ABTB3: variants seen among roughly 807,000 people sequenced by gnomAD.
The protein encoded by ABTB3 is ankyrin repeat and BTB domain containing 3.
chr12:107,507,276 A>T, the ABTB3 span, among the ~76,000 whole-genome samples: 4 of 152,118 alleles, frequency 2.6e-5, no homozygotes, highest in Non-Finnish European at 5.9e-5. Context: ...GTGGGTGTTG[A>T]GAGTCCAGGG....
At chr12:107,630,053 G>A in the ABTB3 span, among the ~76,000 whole-genome samples, 1 of 152,174 alleles carries the variant, frequency 6.6e-6, no homozygotes, top group African/African-American at 2.4e-5. Flanking sequence ...TGGAGGAGGA[G>A]CACTGGGAAG....
chr12:107,582,587 T>C, the ABTB3 span, among the ~76,000 whole-genome samples: 1 of 152,308 alleles, frequency 6.6e-6, no homozygotes, highest in African/African-American at 2.4e-5. Context: ...GCACCTACCA[T>C]GTGACGGTTA....
At chr12:107,373,762 G>A in the ABTB3 span, among the ~76,000 whole-genome samples, 1 of 152,248 alleles carries the variant, frequency 6.6e-6, no homozygotes, top group African/African-American at 2.4e-5. Flanking sequence ...TGTCTGGGCT[G>A]TGGGACCCGG....
chr12:107,580,968 G>T, the ABTB3 span: 3 of 1,551,678 alleles, frequency 1.9e-6, no homozygotes, highest in East Asian at 7.3e-5. Context: ...GTGCGGTCCG[G>T]ATGTCTCCAA....
the ABTB3 span, among the ~76,000 whole-genome samples, chr12:107,429,476 T>G: frequency 6.6e-6 from 1 of 152,214 alleles, no homozygotes; most frequent in Non-Finnish European, 1.5e-5. Context: ...GAGTCACAGC[T>G]GTCACATTTG....
chr12:107,367,583 C>T, the ABTB3 span, among the ~76,000 whole-genome samples: 4 of 152,264 alleles, frequency 2.6e-5, no homozygotes, highest in East Asian at 7.7e-4. Flanking sequence ...CGGCTCACTG[C>T]AACCTCTGCC....
chr12:107,420,533 T>C, the ABTB3 span, among the ~76,000 whole-genome samples: 1 of 152,148 alleles, frequency 6.6e-6, no homozygotes, highest in South Asian at 2.1e-4. Context: ...CCCACCCCCA[T>C]GATTCAATTA....
chr12:107,636,702 T>TTC, the ABTB3 span, among the ~76,000 whole-genome samples: 1 of 152,220 alleles, frequency 6.6e-6, no homozygotes, highest in Non-Finnish European at 1.5e-5. Flanking sequence ...TCCCAAGTAC[T>TTC]TCTCCCTTAT....
chr12:107,635,748 CCTT>C, the ABTB3 span, among the ~76,000 whole-genome samples: 1 of 151,954 alleles, frequency 6.6e-6, no homozygotes, highest in African/African-American at 2.4e-5. Context: ...CTCTAAAAGT[CCTT>C]CTTCCTCACT....
chr12:107,575,764 C>A, the ABTB3 span, among the ~76,000 whole-genome samples: 2 of 152,094 alleles, frequency 1.3e-5, no homozygotes, highest in Non-Finnish European at 2.9e-5. Context: ...CATTTAGGGC[C>A]CACCTGGAGG....
the ABTB3 span, chr12:107,617,024 C>A: frequency 6.5e-7 from 1 of 1,540,298 alleles, no homozygotes; most frequent in South Asian, 1.1e-5. Flanking sequence ...TCCCAGCAGT[C>A]TTTCCTGACA....
chr12:107,469,236 C>T, the ABTB3 span, among the ~76,000 whole-genome samples: 1 of 152,204 alleles, frequency 6.6e-6, no homozygotes, highest in East Asian at 1.9e-4. Flanking sequence ...TGTGTGTTTC[C>T]TGTGGGTGGT....
chr12:107,359,935 T>A, the ABTB3 span, among the ~76,000 whole-genome samples: 1 of 152,142 alleles, frequency 6.6e-6, no homozygotes, highest in African/African-American at 2.4e-5. Context: ...ATCTCTTCCC[T>A]TACTTTCCTA....
the ABTB3 span, among the ~76,000 whole-genome samples, chr12:107,521,679 C>G: frequency 6.7e-6 from 1 of 150,300 alleles, no homozygotes; most frequent in Non-Finnish European, 1.5e-5. Context: ...CATGTCCCCC[C>G]ACCCCCTACC....
At chr12:107,523,102 A>G in the ABTB3 span, among the ~76,000 whole-genome samples, 1 of 152,224 alleles carries the variant, frequency 6.6e-6, no homozygotes, top group African/African-American at 2.4e-5. Flanking sequence ...AAATTCCAGC[A>G]AATCCTGAAC....
the ABTB3 span, among the ~76,000 whole-genome samples, chr12:107,338,287 G>A: frequency 0.45 from 68,896 of 152,040 alleles, 19,682 homozygotes; most frequent in African/African-American, 0.82. Context: ...ACCCCACAAC[G>A]CCTTATTATT....
At chr12:107,433,318 A>AT in the ABTB3 span, among the ~76,000 whole-genome samples, 23 of 151,120 alleles carry the variant, frequency 1.5e-4, no homozygotes, top group Non-Finnish European at 3.0e-4. Context: ...AAAAAAAAAA[A>AT]AAAAAAGACA....
At chr12:107,449,328 A>G in the ABTB3 span, among the ~76,000 whole-genome samples, 2 of 152,238 alleles carry the variant, frequency 1.3e-5, no homozygotes, top group African/African-American at 2.4e-5. Flanking sequence ...CAGACCTCCC[A>G]GCATCTAAAC....
the ABTB3 span, among the ~76,000 whole-genome samples, chr12:107,517,945 G>T: frequency 3.3e-5 from 5 of 152,182 alleles, no homozygotes; most frequent in Non-Finnish European, 7.3e-5. Context: ...CCATCAACAA[G>T]TGGGCAAAGG....
Sources: allele counts gnomAD v4.1 joint callset (sites outside exome capture counted in the v4.1 genomes callset), GRCh38; gene constraint gnomAD v4.1.1; transcripts MANE v1.5; gene names NCBI Gene and HGNC (gene_info 2026-07-23, HGNC 2026-07-21).